The following ITGA10 variants were observed in gnomAD, a reference collection of about 807,000 sequenced individuals.
ITGA10 encodes the protein integrin alpha-10.
A neutral mutation model predicts 145.2 loss-of-function variants in ITGA10; 105 were observed. The ratio of observed to expected loss-of-function variants is 0.72; its 90% CI spans 0.62 to 0.85. The LOEUF is 0.85. ITGA10 is among the 40% of genes least tolerant of loss of function. The pLI, the probability that ITGA10 is intolerant of heterozygous loss-of-function variation, is 0.00. For missense variants in ITGA10, 1,317 were observed against 1,444.5 expected (o/e 0.91, Z 1.43); for synonymous variants, 506 against 557.8 (o/e 0.91, Z 1.31).
In ITGA10 at chr1:145,902,842, T is replaced by C; in HGVS notation, c.878A>G (p.Glu293Gly). 6.2e-7 allele frequency: 1 copy of C among 1,613,130 alleles called. No individual in the cohort carries two copies. The highest frequency in any genetic ancestry group is 8.5e-7 in the Non-Finnish European group (1 of 1,179,552). ...CCCATAGCGTGTCACTCTTCCAGCC[T>C]CACAGGCCTTTAGTGCTGCAGGAAG... is the stretch of plus-strand genomic sequence containing the variant. ...EELPAALKAC[E>G]AGRVTRYGIA... is the part of the protein sequence containing the mutation. The change falls in exon 8 of 30, where the codon GAG becomes GGG. Residue 293 changes from glutamate to glycine, a missense_variant. Glu to Gly is a moderately conservative substitution (Grantham distance 98, BLOSUM62 -2). Coordinates refer to ENST00000369304, the MANE Select transcript of ITGA10 (RefSeq NM_003637.5).
intron 27 of ITGA10, among the ~76,000 whole-genome samples, chr1:145,894,160 G>A (rs782022782): frequency 2.4e-4 from 36 of 147,414 alleles, no homozygotes; most frequent in Admixed American, 4.1e-4. Context: ...CACCCAGGCT[G>A]GAGTGCAGTG....
chr1:145,893,406 GA>G, intron 28 of ITGA10, 132 bp from the exon 29 acceptor site: 1 of 939,260 alleles, frequency 1.1e-6, no homozygotes, highest in East Asian at 2.6e-5. Context: ...ACTGAGGCAG[GA>G]ATGGCGGCAG....
At chr1:145,902,717 C>A (rs1656528978) in intron 8 of ITGA10, 94 bp downstream of exon 8, 1 of 1,540,006 alleles carries the variant, frequency 6.5e-7, no homozygotes, top group African/African-American at 1.4e-5. Context: ...AGTTAATGCC[C>A]TTGTTTTCCT....
At chr1:145,904,572 A>G in intron 6 of ITGA10, 112 bp downstream of exon 6, 1 of 1,118,590 alleles carries the variant, frequency 8.9e-7, no homozygotes, top group African/African-American at 1.6e-5. Flanking sequence ...ATGAGGTCTC[A>G]CTGTATTGCC....
Position 145,900,988 on chromosome 1 carries a change from G to A in ITGA10, c.1593C>T (p.Ser531=), listed in dbSNP as rs1225439250. 1.2e-6 allele frequency: 2 copies of A among 1,614,082 alleles called. No homozygotes were observed. The highest frequency in any genetic ancestry group is 2.2e-5 in the East Asian group (1 of 44,888). Residue 531 remains serine (S), a synonymous_variant, in exon 14 of 30, where the codon TCC becomes TCT. Transcript: ENST00000369304. ...GAAGTGTTCCTTGGAGGGTCAGCAA[G>A]GACTGCTGGTGGAGGAGAGAAGATA... ...RVYVYLVGQQ[S]LLTLQGTLQP...
chr1:145,897,172 C>T, intron 21 of ITGA10, 75 bp downstream of exon 21: 3 of 1,569,400 alleles, frequency 1.9e-6, no homozygotes, highest in Non-Finnish European at 2.6e-6. Flanking sequence ...CGCCCCCTTC[C>T]CTGAAGTCCC....
Position 145,897,296 on chromosome 1 carries a change from T to G in ITGA10, c.2618A>C (p.His873Pro), listed in dbSNP as rs1324350064. 1 of 1,614,050 alleles carries G rather than the reference T, an allele frequency of 6.2e-7. No homozygotes were observed. Among genetic ancestry groups the G allele is most frequent in the African/African-American group, 1.3e-5 (1 of 74,986 alleles). ...ATGCCCCACACTGCAGAGCCGGGCA[T>G]GAGCAGAAGGGGCGGCACATTCCAC... is the stretch of plus-strand genomic sequence containing the variant. ...IKVECAAPSA[H>P]ARLCSVGHPV... The change falls in exon 21 of 30, where the codon CAT becomes CCT. Residue 873 changes from histidine to proline, a missense_variant. His to Pro is a moderately conservative substitution (Grantham distance 77). Transcript: ENST00000369304.
At chr1:145,907,701 T>G (rs1657348681) in intron 1 of ITGA10, 1 of 509,810 alleles carries the variant, frequency 2.0e-6, no homozygotes, top group East Asian at 1.5e-4. Flanking sequence ...TGTACAGCTG[T>G]ATTTCCATTC....
At chr1:145,898,030 C>A (rs1655686444) in intron 18 of ITGA10, 80 bp downstream of exon 18, 1 of 1,306,282 alleles carries the variant, frequency 7.7e-7, no homozygotes, top group East Asian at 2.3e-5. Context: ...TCACCATGAT[C>A]TCATGTCTTC....
chr1:145,900,224 A>C (rs1415517515), intron 14 of ITGA10, 37 bp from the exon 15 acceptor site: 2 of 1,566,200 alleles, frequency 1.3e-6, no homozygotes, highest in Non-Finnish European at 8.6e-7. Context: ...GCAGGGACCC[A>C]TACACCTAGT....
intron 27 of ITGA10, among the ~76,000 whole-genome samples, chr1:145,894,264 A>G (rs1373071015): frequency 6.6e-6 from 1 of 151,622 alleles, no homozygotes; most frequent in Non-Finnish European, 1.5e-5. Flanking sequence ...GGCGCCTGCC[A>G]CCACACCTGG....
intron 5 of ITGA10, among the ~76,000 whole-genome samples, chr1:145,905,103 A>T (rs781859122): frequency 5.3e-5 from 8 of 152,012 alleles, no homozygotes; most frequent in African/African-American, 1.7e-4. Flanking sequence ...TAATTTATAT[A>T]TACAATGTTC....
Position 145,900,951 on chromosome 1 carries a change from G to T in ITGA10, c.1630C>A (p.Pro544Thr). 1 of 1,614,156 alleles carries T rather than the reference G, an allele frequency of 6.2e-7. No homozygotes were observed. The highest frequency in any genetic ancestry group is 1.1e-5 in the South Asian group (1 of 91,076). ...GCAAAGCCAAACCGAGCATCCTGGG[G>T]GGGTTCTGGCTGAAGTGTTCCTTGG... ...TLQGTLQPEP[P>T]QDARFGFAMG... The change falls in exon 14 of 30, where the codon CCC becomes ACC. Residue 544 changes from proline to threonine, a missense_variant. Transcript: ENST00000369304.
intron 27 of ITGA10, among the ~76,000 whole-genome samples, chr1:145,894,890 C>T (rs1201149765): frequency 1.3e-5 from 2 of 151,910 alleles, no homozygotes. Flanking sequence ...GGGCCTTTTA[C>T]GTAATAGGAA....
chr1:145,902,041 G>A lies in ITGA10; in HGVS notation c.1150-20C>T, dbSNP rs1656401003. ...CCCATCCTGTGGGACAGAAGCAGATGGGGTCACTGAGAAGACAGTGGGGAA... is the reference window on the plus strand; with the variant it reads ...CCCATCCTGTGGGACAGAAGCAGATAGGGTCACTGAGAAGACAGTGGGGAA... On this transcript the variant is annotated intron_variant, in intron 10 of 29. Coordinates refer to ENST00000369304, the MANE Select transcript of ITGA10 (RefSeq NM_003637.5). 1.9e-6 allele frequency: 3 copies of A among 1,613,312 alleles called. No homozygotes were observed. The highest frequency in any genetic ancestry group is 1.6e-4 in the Middle Eastern group (1 of 6,080).
In ITGA10 at chr1:145,902,380, T is replaced by C. The variant is rs587696419; in HGVS notation, c.1076-61A>G. The C allele has an allele frequency of 1.9e-5, 30 of 1,609,154 alleles. No individual in the cohort carries two copies. In the South Asian group the frequency reaches 3.0e-4, roughly 16 times the overall value. ...GAAGACAGTTTCCCCTTTGACCTAC[T>C]GAACTCACTCCAGAGCCCCACCTAC... On this transcript the variant is annotated intron_variant, in intron 9 of 29. Coordinates refer to ENST00000369304, the MANE Select transcript of ITGA10 (RefSeq NM_003637.5).
chr1:145,898,080 G>C (rs1302395887), intron 18 of ITGA10, 30 bp downstream of exon 18: 1 of 1,517,204 alleles, frequency 6.6e-7, no homozygotes, highest in Non-Finnish European at 9.2e-7. Flanking sequence ...GCAGTGTTGG[G>C]AGCAAGGGGC....
chr1:145,893,726 G>C (rs1254578732), intron 27 of ITGA10, 91 bp from the exon 28 acceptor site: 2 of 957,362 alleles, frequency 2.1e-6, no homozygotes, highest in East Asian at 2.6e-5. Context: ...TTGAGGCTGA[G>C]AGGCATAATG....
At chr1:145,900,581 T>A (rs587625603) in intron 14 of ITGA10, among the ~76,000 whole-genome samples, 1 of 152,262 alleles carries the variant, frequency 6.6e-6, no homozygotes, top group African/African-American at 2.4e-5. Flanking sequence ...CTCTTTATAA[T>A]GCTCCCGTCA....
Sources: gnomAD v4.1 joint callset for allele counts (sites outside exome capture counted in the v4.1 genomes callset) on GRCh38, gnomAD v4.1.1 for gene constraint, MANE v1.5 for transcripts, NCBI Gene and HGNC (gene_info 2026-07-23, HGNC 2026-07-21) for gene names.